Variants in BBX observed in about 807,000 individuals in gnomAD.
BBX encodes HMG box transcription factor BBX.
Under a neutral mutation model 100.2 loss-of-function variants are expected in BBX, and 30 were observed. That is an observed-to-expected ratio of 0.30 (90% confidence interval 0.22 to 0.41). The LOEUF (loss-of-function observed/expected upper bound fraction) is 0.41, where lower values mean the gene tolerates loss of function less well. Among genes scored for constraint, BBX ranks in the 10% least tolerant of loss-of-function variants. The probability of loss-of-function intolerance (pLI) is 1.00; values close to 1 mark genes in which losing one functional copy is unlikely to be tolerated. For missense variants in BBX, 1,023 were observed against 1,129.8 expected (o/e 0.91, Z 1.35); for synonymous variants, 376 against 388.1 (o/e 0.97, Z 0.37).
rs756469623 is a variant in BBX, at chr3:107,774,875, C to T, written c.2054+18C>T. 1 of 1,612,016 alleles carries T rather than the reference C, an allele frequency of 6.2e-7. No homozygotes were observed. Among genetic ancestry groups the T allele is most frequent in the Non-Finnish European group, 8.5e-7 (1 of 1,178,940 alleles). ...CTCCTTGGGTAAGTGCCTGTGAGCA[C>T]AGTCACCTGTACTCCACAAGCCTCA... On this transcript the variant is annotated intron_variant, in intron 12 of 17. Coordinates refer to ENST00000325805, the MANE Select transcript of BBX (RefSeq NM_001142568.3).
intron 3 of BBX, among the ~76,000 whole-genome samples, chr3:107,666,706 G>C (rs2058763543): frequency 6.6e-6 from 1 of 152,100 alleles, no homozygotes; most frequent in South Asian, 2.1e-4. Flanking sequence ...TGAGTAGCTG[G>C]GGCTACAGGT....
intron 2 of BBX, among the ~76,000 whole-genome samples, chr3:107,563,925 C>G (rs1225214284): frequency 6.6e-6 from 1 of 152,178 alleles, no homozygotes; most frequent in Non-Finnish European, 1.5e-5. Flanking sequence ...CACCAACTCC[C>G]CAAGCTACCT....
intron 2 of BBX, among the ~76,000 whole-genome samples, chr3:107,537,836 C>T (rs2048603157): frequency 6.6e-6 from 1 of 152,170 alleles, no homozygotes; most frequent in Admixed American, 6.5e-5. Flanking sequence ...AAATATTGTG[C>T]TCAGTGTTCC....
In BBX at chr3:107,805,390, T is replaced by C; in HGVS notation, c.2759T>C (p.Leu920Pro). The change falls in exon 18 of 18, where the codon CTC (leucine) becomes CCC (proline). Residue 920 changes from leucine to proline, a missense_variant. Coordinates refer to ENST00000325805, the MANE Select transcript of BBX (RefSeq NM_001142568.3). ...NVHRGQRSTPLTHDGQPKEMP... is the reference protein window; with the variant it reads ...NVHRGQRSTPPTHDGQPKEMP... ...TACAGAGGTCAGAGGTCAACTCCGCTCACCCATGATGGACAGCCAAAAGAA... is the reference window on the plus strand; with the variant it reads ...TACAGAGGTCAGAGGTCAACTCCGCCCACCCATGATGGACAGCCAAAAGAA... 1 of 1,613,972 alleles carries C rather than the reference T, an allele frequency of 6.2e-7. No homozygotes were observed. The highest frequency in any genetic ancestry group is 8.5e-7 in the Non-Finnish European group (1 of 1,179,910).
chr3:107,572,020 T>C (rs948705586), intron 2 of BBX, among the ~76,000 whole-genome samples: 1 of 152,258 alleles, frequency 6.6e-6, no homozygotes, highest in Non-Finnish European at 1.5e-5. Context: ...GAAAGGATAA[T>C]GTACCTATTT....
intron 3 of BBX, among the ~76,000 whole-genome samples, chr3:107,692,250 T>G (rs1300111669): frequency 1.3e-5 from 2 of 151,882 alleles, no homozygotes; most frequent in Non-Finnish European, 2.9e-5. Flanking sequence ...AATGTGCAGG[T>G]TAGTTACATA....
chr3:107,804,754 C>T (rs2070908458), intron 17 of BBX, among the ~76,000 whole-genome samples: 2 of 151,292 alleles, frequency 1.3e-5, no homozygotes, highest in Non-Finnish European at 2.9e-5. Context: ...TTTTCTTCCT[C>T]TAAACACTCT....
chr3:107,588,459 G>C (rs551016076), intron 2 of BBX, among the ~76,000 whole-genome samples: 1 of 152,260 alleles, frequency 6.6e-6, no homozygotes, highest in Admixed American at 6.5e-5. Flanking sequence ...TAACGTGTTG[G>C]AATGAGATGC....
rs1273590296 is a variant in BBX at position 107,723,163 on chromosome 3, C to T, written c.406-5602C>T. Among the ~76,000 whole-genome samples the T allele has an allele frequency of 2.0e-5, 3 of 152,068 alleles. No homozygotes were observed. The East Asian group carries it at 5.8e-4, about 29-fold the overall frequency. Reference sequence around the variant, plus strand: ...AATTATACAGACATTCTCTGGGTCCCTCCTGACTGAATCTCACTAGGGTTG... The same window carrying T: ...AATTATACAGACATTCTCTGGGTCCTTCCTGACTGAATCTCACTAGGGTTG... On this transcript the variant is annotated intron_variant, in intron 5 of 17. Transcript: ENST00000325805.
intron 2 of BBX, among the ~76,000 whole-genome samples, chr3:107,645,344 CTTGT>C (rs1395437006): frequency 6.6e-6 from 1 of 152,088 alleles, no homozygotes; most frequent in Non-Finnish European, 1.5e-5. Flanking sequence ...AGGCTGCTTT[CTTGT>C]TTGTTCGTTT....
chr3:107,576,964 A>G (rs2051831848), intron 2 of BBX, among the ~76,000 whole-genome samples: 1 of 152,038 alleles, frequency 6.6e-6, no homozygotes, highest in African/African-American at 2.4e-5. Context: ...GGGTTCGAGC[A>G]ATTCTTCTGC....
chr3:107,531,673 G>A (rs1160761927), intron 2 of BBX, among the ~76,000 whole-genome samples: 2 of 151,912 alleles, frequency 1.3e-5, no homozygotes, highest in South Asian at 2.1e-4. Flanking sequence ...AATTTGTTAG[G>A]GAAGGAAATA....
chr3:107,697,998 G>T (rs982687610), intron 3 of BBX, among the ~76,000 whole-genome samples: 1 of 151,920 alleles, frequency 6.6e-6, no homozygotes, highest in Non-Finnish European at 1.5e-5. Context: ...GATTAGGAAG[G>T]GAACTCCCTG....
intron 9 of BBX, among the ~76,000 whole-genome samples, chr3:107,750,594 C>A (rs1037246278): frequency 1.3e-5 from 2 of 152,156 alleles, no homozygotes; most frequent in Admixed American, 6.5e-5. Flanking sequence ...TACATAACCT[C>A]TCTCGTCACT....
At chr3:107,685,614 T>C (rs1229897709) in intron 3 of BBX, among the ~76,000 whole-genome samples, 1 of 152,250 alleles carries the variant, frequency 6.6e-6, no homozygotes, top group Non-Finnish European at 1.5e-5. Context: ...TTTCCACTTT[T>C]CTGATTGCTT....
At chr3:107,665,451 T>C (rs1288084342) in intron 3 of BBX, among the ~76,000 whole-genome samples, 1 of 152,132 alleles carries the variant, frequency 6.6e-6, no homozygotes, top group Non-Finnish European at 1.5e-5. Flanking sequence ...AAAAACGCTT[T>C]GTCACTGTCT....
intron 2 of BBX, among the ~76,000 whole-genome samples, chr3:107,557,290 A>T (rs1358679237): frequency 6.6e-6 from 1 of 152,192 alleles, no homozygotes; most frequent in Non-Finnish European, 1.5e-5. Context: ...CAATGGCATG[A>T]TTATTCCATT....
At chr3:107,760,389 T>A (rs1042510029) in intron 10 of BBX, among the ~76,000 whole-genome samples, 1 of 152,242 alleles carries the variant, frequency 6.6e-6, no homozygotes, top group Non-Finnish European at 1.5e-5. Context: ...TTAAAAAATG[T>A]CTGTGCTTTT....
chr3:107,564,593 G>T (rs182655998), intron 2 of BBX, among the ~76,000 whole-genome samples: 14 of 152,058 alleles, frequency 9.2e-5, no homozygotes, highest in Middle Eastern at 3.4e-3. Context: ...CTCCACACAG[G>T]GGGTGGACAG....
Sources: allele counts gnomAD v4.1 joint callset (sites outside exome capture counted in the v4.1 genomes callset), GRCh38; gene constraint gnomAD v4.1.1; transcripts MANE v1.5; gene names NCBI Gene and HGNC (gene_info 2026-07-23, HGNC 2026-07-21).